The following IL5RA variants were observed in gnomAD, a reference collection of about 807,000 sequenced individuals.
IL5RA encodes the protein interleukin 5 receptor subunit alpha, also known as interleukin-5 receptor subunit alpha.
IL5RA carries 49 observed loss-of-function variants against 50.0 expected under a neutral mutation model. The observed-to-expected ratio is 0.98, with a 90% CI of 0.78 to 1.24. The LOEUF is 1.24. Ranked by LOEUF, IL5RA falls within the 50% of genes most tolerant of loss-of-function variation. IL5RA has a pLI of 0.00. For missense variants in IL5RA, 600 were observed against 500.4 expected, an observed-to-expected ratio of 1.20 and a Z score of -1.90; for synonymous variants, 202 against 174.0, an observed-to-expected ratio of 1.16 and a Z score of -1.26.
chr3:3,076,718 G>A (rs1248455856), intron 9 of IL5RA, 91 bp from the exon 10 acceptor site: 2 of 771,814 alleles, frequency 2.6e-6, no homozygotes, highest in Non-Finnish European at 4.3e-6. Flanking sequence ...TCATCAGACA[G>A]CTCAGGTTTG....
At chr3:3,095,522 C>T (rs975141728) in intron 7 of IL5RA, 78 bp from the exon 8 acceptor site, 12 of 1,128,092 alleles carry the variant, frequency 1.1e-5, no homozygotes, top group Middle Eastern at 2.7e-4. Context: ...TCCACCCACA[C>T]TTCTCAAGGC....
At chr3:3,076,689 A>G in intron 9 of IL5RA, 62 bp from the exon 10 acceptor site, 1 of 1,049,456 alleles carries the variant, frequency 9.5e-7, no homozygotes, top group Non-Finnish European at 1.5e-6. Flanking sequence ...AGCAGGTAAA[A>G]GAAATGATGA....
At chr3:3,081,459 AG>A (rs1158401112) in intron 9 of IL5RA, among the ~76,000 whole-genome samples, 7 of 152,190 alleles carry the variant, frequency 4.6e-5, no homozygotes, top group Admixed American at 4.6e-4. Context: ...GCAGAAAAAA[AG>A]TTATCCTGTT....
At chr3:3,103,080 A>G (rs976558676) in intron 3 of IL5RA, 1 of 273,492 alleles carries the variant, frequency 3.7e-6, no homozygotes. Context: ...ACAGGGTTTC[A>G]CCATGTTGGC....
intron 2 of IL5RA, among the ~76,000 whole-genome samples, chr3:3,106,469 G>C (rs945749547): frequency 6.6e-6 from 1 of 151,948 alleles, no homozygotes; most frequent in East Asian, 1.9e-4. Context: ...TGTCAAATAA[G>C]CTTAAGTACT....
intron 11 of IL5RA, among the ~76,000 whole-genome samples, chr3:3,073,260 C>T (rs986991401): frequency 6.6e-6 from 1 of 152,194 alleles, no homozygotes; most frequent in Non-Finnish European, 1.5e-5. Context: ...GCTTTCTTTT[C>T]CCTACAACCA....
chr3:3,074,963 GCTGTT>G, intron 10 of IL5RA, 97 bp from the exon 11 acceptor site: 1 of 736,642 alleles, frequency 1.4e-6, no homozygotes, highest in Non-Finnish European at 2.3e-6. Flanking sequence ...TCTAGAACCT[GCTGTT>G]TTGTAAATTC....
At chr3:3,076,648 A>T in intron 9 of IL5RA, 21 bp from the exon 10 acceptor site, 1 of 1,509,448 alleles carries the variant, frequency 6.6e-7, no homozygotes. Context: ...ACAAAAAAGA[A>T]ACAAAAAAAT....
chr3:3,087,068 A>G (rs181598594), intron 9 of IL5RA, among the ~76,000 whole-genome samples: 5 of 152,170 alleles, frequency 3.3e-5, no homozygotes, highest in African/African-American at 1.2e-4. Context: ...GCAGAAGGGG[A>G]GAGGGTGGGA....
At chr3:3,071,585 G>A (rs867736566) in intron 11 of IL5RA, among the ~76,000 whole-genome samples, 87 of 62,928 alleles carry the variant, frequency 1.4e-3, no homozygotes, top group East Asian at 2.7e-3. Flanking sequence ...GTGTGTGTGT[G>A]TGTGTGTGTG....
intron 9 of IL5RA, among the ~76,000 whole-genome samples, chr3:3,085,982 G>A (rs1169417257): frequency 6.6e-6 from 1 of 152,138 alleles, no homozygotes; most frequent in South Asian, 2.1e-4. Context: ...TGAAAACGGT[G>A]CTGAGTCTTC....
intron 9 of IL5RA, among the ~76,000 whole-genome samples, chr3:3,090,691 C>G (rs1290526344): frequency 2.0e-5 from 3 of 151,584 alleles, no homozygotes; most frequent in Non-Finnish European, 4.4e-5. Context: ...CTCAGCCTCC[C>G]GAGTAGCTGG....
intron 11 of IL5RA, among the ~76,000 whole-genome samples, chr3:3,070,575 C>CTTTTTTTTTTTTTTTTTTT (rs71058670): frequency 7.1e-5 from 6 of 84,918 alleles, no homozygotes; most frequent in African/African-American, 2.7e-4. Context: ...GGATACACAT[C>CTTTTTTTTTTTTTTTTTTT]TTTTTTTTTT....
intron 2 of IL5RA, 127 bp from the exon 3 acceptor site, chr3:3,105,114 C>T (rs539540213): frequency 4.6e-5 from 28 of 611,694 alleles, no homozygotes; most frequent in South Asian, 2.0e-4. Flanking sequence ...ATTTGTTATG[C>T]GCAAAAAGTA....
intron 9 of IL5RA, among the ~76,000 whole-genome samples, chr3:3,081,146 C>T (rs183570832): frequency 3.5e-4 from 54 of 152,274 alleles, no homozygotes; most frequent in African/African-American, 1.2e-3. Context: ...TACAGATCCT[C>T]GATGGTTCCA....
In IL5RA at chr3:3,102,656, C is replaced by A; in HGVS notation, c.228+19G>T. ...CATATTTATTCTCAATAAGGATATCCATTAGAATAAACACTTACGTCATCT... is the reference window on the plus strand; with the variant it reads ...CATATTTATTCTCAATAAGGATATCAATTAGAATAAACACTTACGTCATCT... On this transcript the variant is annotated intron_variant, in intron 4 of 11. Transcript: ENST00000446632. 1 of 1,501,408 alleles carries A rather than the reference C, an allele frequency of 6.7e-7. No individual in the cohort carries two copies. The highest frequency in any genetic ancestry group is 9.1e-7 in the Non-Finnish European group (1 of 1,098,962). The allele number at this position is 1,501,408 out of a possible 1,614,324, so 93.0% of individuals were successfully genotyped here.
chr3:3,096,144 G>A (rs994826366), intron 7 of IL5RA, among the ~76,000 whole-genome samples: 1 of 152,118 alleles, frequency 6.6e-6, no homozygotes, highest in African/African-American at 2.4e-5. Context: ...TGAGCGTGGT[G>A]GTGGGCGCCT....
At chr3:3,087,722 T>C (rs936114645) in intron 9 of IL5RA, among the ~76,000 whole-genome samples, 2 of 152,078 alleles carry the variant, frequency 1.3e-5, no homozygotes, top group African/African-American at 4.8e-5. Context: ...AGCATGCTGT[T>C]TTTAAGATAA....
intron 5 of IL5RA, among the ~76,000 whole-genome samples, 162 bp from the exon 6 acceptor site, chr3:3,098,452 G>T (rs1358812797): frequency 6.6e-6 from 1 of 152,056 alleles, no homozygotes; most frequent in Non-Finnish European, 1.5e-5. Context: ...CTGTCACCCA[G>T]GCTGCAGTGC....
Sources: allele counts gnomAD v4.1 joint callset (sites outside exome capture counted in the v4.1 genomes callset), GRCh38; gene constraint gnomAD v4.1.1; transcripts MANE v1.5; gene names NCBI Gene and HGNC (gene_info 2026-07-23, HGNC 2026-07-21).